Variants in CD163L1 observed in about 807,000 individuals in gnomAD.
CD163L1 encodes the protein CD163 molecule like 1, also known as scavenger receptor cysteine-rich type 1 protein M160.
Under a neutral mutation model 165.4 loss-of-function variants are expected in CD163L1, and 124 were observed. The ratio of observed to expected loss-of-function variants is 0.75; its 90% CI spans 0.65 to 0.87. CD163L1 has a LOEUF of 0.87. Ranked by LOEUF, CD163L1 falls within the 40% of genes least tolerant of loss-of-function variation. The probability of loss-of-function intolerance (pLI) is 0.00; values close to 1 mark genes in which losing one functional copy is unlikely to be tolerated. For synonymous variants in CD163L1, 585 were observed against 662.2 expected (o/e 0.88, Z 1.79); for missense variants, 1,525 against 1,799.9 (o/e 0.85, Z 2.76).
chr12:7,398,260 T>A lies in CD163L1; in HGVS notation c.1729+4A>T. The stretch of plus-strand genomic sequence containing the variant: ...AGGAAATAATAAACAAGAACAAGTC[T>A]TACCTGAGCAGGTTACAATCACATC... On this transcript the variant is annotated splice_donor_region_variant and intron_variant, in intron 7 of 19. Coordinates refer to ENST00000313599, the MANE Select transcript of CD163L1 (RefSeq NM_174941.6). The surrounding 1 kb of genome is among the most constrained non-coding windows in gnomAD (Gnocchi z 4.5). 1 of 1,609,558 alleles carries A rather than the reference T, an allele frequency of 6.2e-7. No homozygotes were observed. The highest frequency in any genetic ancestry group is 8.5e-7 in the Non-Finnish European group (1 of 1,177,300).
At chr12:7,333,309 T>A in the CD163L1 span, among the ~76,000 whole-genome samples, 1 of 152,114 alleles carries the variant, frequency 6.6e-6, no homozygotes, top group African/African-American at 2.4e-5. Flanking sequence ...CACAGTGCAA[T>A]CAAACTAGAA....
chr12:7,383,078 C>T (rs1176373479), intron 8 of CD163L1, among the ~76,000 whole-genome samples: 1 of 152,196 alleles, frequency 6.6e-6, no homozygotes, highest in African/African-American at 2.4e-5. Context: ...GGACACTGTG[C>T]ACTTTCATGA....
At chr12:7,324,258 A>T in the CD163L1 span, 2 of 1,610,698 alleles carry the variant, frequency 1.2e-6, no homozygotes, top group Non-Finnish European at 1.7e-6. Context: ...CCCAAATGTC[A>T]TCCTTGGTTC....
At chr12:7,337,509 G>A in the CD163L1 span, among the ~76,000 whole-genome samples, 6 of 152,110 alleles carry the variant, frequency 3.9e-5, no homozygotes, top group Non-Finnish European at 7.4e-5. Context: ...AGTGGGCAAA[G>A]GATATTAGCA....
At chr12:7,323,562 T>A in the CD163L1 span, 16 of 1,610,322 alleles carry the variant, frequency 9.9e-6, no homozygotes, top group African/African-American at 1.3e-5. Flanking sequence ...AAATATGTGG[T>A]ATGAGGATAG....
intron 4 of CD163L1, among the ~76,000 whole-genome samples, chr12:7,348,170 A>T (rs1365947115): frequency 6.6e-6 from 1 of 152,226 alleles, no homozygotes; most frequent in Admixed American, 6.5e-5. Flanking sequence ...AGAGTTCCAC[A>T]TAAGCAGGCT....
At chr12:7,407,980 G>C (rs1303368149) in intron 4 of CD163L1, among the ~76,000 whole-genome samples, 1 of 151,968 alleles carries the variant, frequency 6.6e-6, no homozygotes, top group African/African-American at 2.4e-5. Context: ...GTTTTAATCA[G>C]CGGTTGGTTG....
At chr12:7,357,557 G>A in intron 18 of CD163L1, 71 bp from the exon 19 acceptor site, 1 of 1,293,170 alleles carries the variant, frequency 7.7e-7, no homozygotes, top group East Asian at 2.3e-5. Context: ...GCTGTTAAGT[G>A]CAGTGTTTGA....
rs762788583 is a variant in CD163L1 at position 7,433,524 on chromosome 12, G to T, written c.295C>A (p.Arg99Ser). 1 of 1,613,908 alleles carries T rather than the reference G, an allele frequency of 6.2e-7. No homozygotes were observed. The highest frequency in any genetic ancestry group is 8.5e-7 in the Non-Finnish European group (1 of 1,180,016). ...LGCPFSFAMF[R>S]FGQAVTRHGK... Reference sequence around the variant, plus strand: ...TGTCTAGTCACGGCTTGTCCAAAACGAAACATGGCGAAAGAAAATGGACAT... The same window carrying T: ...TGTCTAGTCACGGCTTGTCCAAAACTAAACATGGCGAAAGAAAATGGACAT... The change falls in exon 3 of 20, where the codon CGT becomes AGT. Residue 99 changes from arginine (R) to serine (S), a missense_variant. Transcript: ENST00000313599.
At chr12:7,380,365 G>A (rs1006880058) in intron 8 of CD163L1, among the ~76,000 whole-genome samples, 8 of 145,276 alleles carry the variant, frequency 5.5e-5, no homozygotes, top group Admixed American at 3.4e-4. Context: ...GTGTATACGC[G>A]TATACATACA....
chr12:7,327,157 A>C, the CD163L1 span: 1 of 1,484,682 alleles, frequency 6.7e-7, no homozygotes, highest in Non-Finnish European at 9.0e-7. Context: ...AGCTAGAATT[A>C]GATTTTACTG....
At chr12:7,353,375 A>T (rs1830193884), downstream of CD163L1, among the ~76,000 whole-genome samples, 1 of 152,094 alleles carries the variant, frequency 6.6e-6, no homozygotes, top group Non-Finnish European at 1.5e-5. Flanking sequence ...AAAAAATAAC[A>T]GTTGAAAATG....
chr12:7,370,781 C>T (rs1195857418), intron 14 of CD163L1, among the ~76,000 whole-genome samples: 1 of 152,108 alleles, frequency 6.6e-6, no homozygotes, highest in Non-Finnish European at 1.5e-5. Context: ...ATCTCCTGCT[C>T]ATTAATAAAT....
downstream of CD163L1, among the ~76,000 whole-genome samples, chr12:7,354,795 G>T (rs944477104): frequency 6.6e-6 from 1 of 152,114 alleles, no homozygotes; most frequent in Non-Finnish European, 1.5e-5. Flanking sequence ...GAGCCTCTGA[G>T]GTTCCATTAT....
At chr12:7,360,344 T>G (rs2136383275) in intron 18 of CD163L1, among the ~76,000 whole-genome samples, 1 of 152,252 alleles carries the variant, frequency 6.6e-6, no homozygotes, top group Non-Finnish European at 1.5e-5. Flanking sequence ...GGTTTCACCA[T>G]GTTAGCCAGG....
At chr12:7,359,108 C>T (rs985198863) in intron 18 of CD163L1, among the ~76,000 whole-genome samples, 10 of 151,768 alleles carry the variant, frequency 6.6e-5, no homozygotes, top group Non-Finnish European at 1.2e-4. Flanking sequence ...GAAAGAACTA[C>T]AAAAGATGTA....
chr12:7,403,895 G>A, intron 5 of CD163L1, 40 bp from the exon 6 acceptor site: 1 of 1,567,246 alleles, frequency 6.4e-7, no homozygotes. Flanking sequence ...ATTGGGTTTG[G>A]GACAATATCA....
chr12:7,421,692 T>C (rs1200396944), intron 4 of CD163L1, among the ~76,000 whole-genome samples: 1 of 144,474 alleles, frequency 6.9e-6, no homozygotes, highest in Non-Finnish European at 1.5e-5. Flanking sequence ...TACATATACA[T>C]ATATGTATGT....
At chr12:7,373,241 G>A in intron 14 of CD163L1, 79 bp downstream of exon 14, 1 of 1,263,916 alleles carries the variant, frequency 7.9e-7, no homozygotes, top group Non-Finnish European at 1.1e-6. Context: ...ATGTGCTCCT[G>A]AATGGAAAGA....
Sources: allele counts gnomAD v4.1 joint callset (sites outside exome capture counted in the v4.1 genomes callset), GRCh38; gene constraint gnomAD v4.1.1; non-coding constraint Gnocchi (gnomAD v3.1); transcripts MANE v1.5; gene names NCBI Gene and HGNC (gene_info 2026-07-23, HGNC 2026-07-21).